Variants in FAR2 observed in about 807,000 individuals in gnomAD.
The protein encoded by FAR2 is fatty acyl-CoA reductase 2, also known as epididymis secretory protein Li 81.
A neutral mutation model predicts 56.0 loss-of-function variants in FAR2; 19 were observed. That is an observed-to-expected ratio of 0.34 (90% CI 0.24 to 0.50). FAR2 has a LOEUF of 0.50. Among genes scored for constraint, FAR2 ranks in the 20% least tolerant of loss-of-function variants. FAR2 has a pLI of 0.98. For synonymous variants in FAR2, 219 were observed against 218.8 expected (o/e 1.00, Z -0.01); for missense variants, 508 against 642.2 (o/e 0.79, Z 2.26).
chr12:29,177,142 A>G (rs1949946375), intron 1 of FAR2, among the ~76,000 whole-genome samples: 1 of 152,232 alleles, frequency 6.6e-6, no homozygotes, highest in African/African-American at 2.4e-5. Context: ...AAGTTTATGA[A>G]TGATGCAACA....
chr12:29,178,081 G>A (rs952852363), intron 1 of FAR2, among the ~76,000 whole-genome samples: 1 of 151,964 alleles, frequency 6.6e-6, no homozygotes, highest in Admixed American at 6.6e-5. Context: ...TCTGCTACAT[G>A]AAGAATAAAC....
chr12:29,269,998 C>A (rs1401753312), intron 1 of FAR2, among the ~76,000 whole-genome samples: 1 of 152,218 alleles, frequency 6.6e-6, no homozygotes, highest in Non-Finnish European at 1.5e-5. Context: ...ACCATGACCC[C>A]AGCCCTTCTC....
At chr12:29,209,902 C>T (rs1470007709) in intron 1 of FAR2, among the ~76,000 whole-genome samples, 8 of 152,130 alleles carry the variant, frequency 5.3e-5, no homozygotes. Flanking sequence ...TTCATCTCAT[C>T]AGCATCATAA....
At chr12:29,175,327 G>A (rs1460069862) in intron 1 of FAR2, among the ~76,000 whole-genome samples, 1 of 152,178 alleles carries the variant, frequency 6.6e-6, no homozygotes, top group Non-Finnish European at 1.5e-5. Context: ...TGGTGGGTCT[G>A]GAGTCTGTTC....
At chr12:29,322,044 G>C in intron 10 of FAR2, 120 bp downstream of exon 10, 3 of 1,222,144 alleles carry the variant, frequency 2.5e-6, no homozygotes, top group Non-Finnish European at 3.2e-6. Flanking sequence ...ATTTTGTTTT[G>C]CTTTGTTTTT....
chr12:29,184,765 G>C (rs1007314089), intron 1 of FAR2, among the ~76,000 whole-genome samples: 1 of 152,036 alleles, frequency 6.6e-6, no homozygotes, highest in African/African-American at 2.4e-5. Flanking sequence ...CCTAAAGAGG[G>C]AGTTTTTAAA....
At chr12:29,264,840 C>G (rs1159276538) in intron 1 of FAR2, among the ~76,000 whole-genome samples, 1 of 151,162 alleles carries the variant, frequency 6.6e-6, no homozygotes, top group Non-Finnish European at 1.5e-5. Context: ...TGCAAGATAC[C>G]AAGTCAACAT....
intron 5 of FAR2, among the ~76,000 whole-genome samples, chr12:29,308,495 TCTC>T (rs934833889): frequency 1.3e-5 from 2 of 151,902 alleles, no homozygotes; most frequent in South Asian, 2.1e-4. Context: ...CCCTTCATCT[TCTC>T]CTCTCTTCTC....
In FAR2 at chr12:29,284,280, T is replaced by C. The variant is rs1229432893; in HGVS notation, c.190-9020T>C. ...TCCTGTTAAGTTATAGTAAAGTATA[T>C]AGTTTGAGTACTTAGTATATAAGAG... On this transcript the variant is annotated intron_variant, in intron 2 of 11. Transcript: ENST00000536681. Among the ~76,000 whole-genome samples the C allele has an allele frequency of 7.2e-5, 11 of 152,200 alleles. No homozygotes were observed. In the East Asian group the frequency reaches 1.9e-3, roughly 27 times the overall value.
At chr12:29,241,806 G>A (rs1395516532) in intron 1 of FAR2, among the ~76,000 whole-genome samples, 2 of 152,122 alleles carry the variant, frequency 1.3e-5, no homozygotes, top group African/African-American at 2.4e-5. Flanking sequence ...TTTCATTTCC[G>A]AGGAGGCAGG....
rs190683951 is a variant in FAR2 at position 29,237,881 on chromosome 12, A to G, written c.-38-32531A>G. Among the ~76,000 whole-genome samples the G allele has an allele frequency of 1.8e-4, 28 of 152,336 alleles. No individual in the cohort carries two copies. In the East Asian group the frequency reaches 4.0e-3, roughly 22 times the overall value. On this transcript the variant is annotated intron_variant, in intron 1 of 11. Transcript: ENST00000536681. ...TGAGATTGGTGATGGTATTAAAAAT[A>G]TCATTTTTTATATTACATGATGAGA...
intron 10 of FAR2, among the ~76,000 whole-genome samples, chr12:29,326,665 C>T (rs971467634): frequency 3.3e-5 from 5 of 152,178 alleles, no homozygotes; most frequent in African/African-American, 9.7e-5. Flanking sequence ...ATGATTAGCT[C>T]AATAGACGGA....
chr12:29,286,306 G>A (rs1948876236), intron 2 of FAR2, among the ~76,000 whole-genome samples: 1 of 152,124 alleles, frequency 6.6e-6, no homozygotes, highest in Non-Finnish European at 1.5e-5. Flanking sequence ...CCAAGGTTAT[G>A]TAATTTGTGC....
chr12:29,275,651 G>A (rs1185484231), intron 2 of FAR2, among the ~76,000 whole-genome samples: 6 of 152,076 alleles, frequency 3.9e-5, no homozygotes, highest in African/African-American at 1.2e-4. Context: ...GGCCATCTTG[G>A]TCGCACCTCT....
At chr12:29,229,206 A>G (rs1490013463) in intron 1 of FAR2, among the ~76,000 whole-genome samples, 1 of 152,224 alleles carries the variant, frequency 6.6e-6, no homozygotes, top group Non-Finnish European at 1.5e-5. Flanking sequence ...AAGAAACAAC[A>G]TAAGATAAGG....
chr12:29,219,888 A>T (rs1245020790), intron 1 of FAR2, among the ~76,000 whole-genome samples: 1 of 152,216 alleles, frequency 6.6e-6, no homozygotes, highest in Admixed American at 6.5e-5. Flanking sequence ...ATTGAATGAA[A>T]AAGAGAAACA....
intron 2 of FAR2, among the ~76,000 whole-genome samples, chr12:29,285,339 T>C (rs1475692429): frequency 6.6e-6 from 1 of 152,206 alleles, no homozygotes; most frequent in Non-Finnish European, 1.5e-5. Flanking sequence ...AAATTGGAAA[T>C]ATTTGCATTT....
chr12:29,186,755 ATTATTTATTTATTTATTTATTTATTTAT>A, intron 1 of FAR2, among the ~76,000 whole-genome samples: 1 of 46,366 alleles, frequency 2.2e-5, no homozygotes, highest in African/African-American at 4.1e-5. Flanking sequence ...TTCTTTATTT[ATTATTTATTTATTTATTTATTTATTTAT>A]TTATTTATTT....
intron 2 of FAR2, among the ~76,000 whole-genome samples, chr12:29,277,180 C>T (rs935706870): frequency 6.6e-6 from 1 of 151,942 alleles, no homozygotes; most frequent in African/African-American, 2.4e-5. Context: ...GTTTCACCAT[C>T]GTGGCCAGGC....
Sources: allele counts gnomAD v4.1 joint callset (sites outside exome capture counted in the v4.1 genomes callset), GRCh38; gene constraint gnomAD v4.1.1; transcripts MANE v1.5; gene names NCBI Gene and HGNC (gene_info 2026-07-23, HGNC 2026-07-21).